Variants in SETBP1 observed in about 807,000 individuals in gnomAD.
SETBP1 encodes the protein SET binding protein 1, also known as SET-binding protein.
SETBP1 carries 9 observed loss-of-function variants against 101.0 expected under a neutral mutation model. That is an observed-to-expected ratio of 0.09 (90% CI 0.05 to 0.16). The LOEUF is 0.16. Ranked by LOEUF, SETBP1 falls within the 10% of genes least tolerant of loss-of-function variation. SETBP1 has a pLI of 1.00. For missense variants in SETBP1, 1,858 were observed against 2,033.8 expected (o/e 0.91, Z 1.66); for synonymous variants, 818 against 788.5 (o/e 1.04, Z -0.63).
intron 2 of SETBP1, among the ~76,000 whole-genome samples, chr18:44,706,000 G>A (rs1408378388): frequency 6.6e-6 from 1 of 152,118 alleles, no homozygotes; most frequent in African/African-American, 2.4e-5. Flanking sequence ...ATTTGGGAGA[G>A]GGCCTATGAT....
intron 3 of SETBP1, among the ~76,000 whole-genome samples, chr18:44,874,982 G>T (rs2069363639): frequency 6.6e-6 from 1 of 152,222 alleles, no homozygotes; most frequent in Non-Finnish European, 1.5e-5. Context: ...GACAGCAGCT[G>T]ATGTTTCAAG....
At chr18:45,057,053 T>C (rs2073820936) in intron 5 of SETBP1, among the ~76,000 whole-genome samples, 1 of 152,096 alleles carries the variant, frequency 6.6e-6, no homozygotes, top group Non-Finnish European at 1.5e-5. Context: ...GAAAACACCA[T>C]CATATGACAA....
chr18:45,008,326 T>C (rs764536993), intron 4 of SETBP1, among the ~76,000 whole-genome samples: 6 of 152,176 alleles, frequency 3.9e-5, no homozygotes, highest in Non-Finnish European at 7.3e-5. Context: ...TGAAATGATG[T>C]GTAGTCTTCA....
rs181524219 is a variant in SETBP1 at position 44,804,979 on chromosome 18, G to A, written c.487-64251G>A. ...ACACAGTGAGACATAAACGATGATG[G>A]GAAATTCCTCTGTAAGCCTTAGACA... On this transcript the variant is annotated intron_variant, in intron 2 of 5. Transcript: ENST00000649279. 2.0e-3 allele frequency among the ~76,000 whole-genome samples: 298 copies of A among 152,166 alleles called. 1 individual carries two copies. Among genetic ancestry groups the A allele is most frequent in the African/African-American group, 6.9e-3 (288 of 41,532 alleles).
chr18:44,951,668 G>A lies in SETBP1; in HGVS notation c.2328G>A (p.Met776Ile). The A allele has an allele frequency of 6.2e-7, 1 of 1,614,174 alleles. No individual in the cohort carries two copies. The highest frequency in any genetic ancestry group is 2.2e-5 in the East Asian group (1 of 44,868). ...QSLVASSPAA[M>I]HPLSTQLGGS... Reference sequence around the variant, plus strand: ...TTGTGGCGTCTTCACCAGCAGCTATGCACCCACTTTCAACACAGTTAGGTG... The same window carrying A: ...TTGTGGCGTCTTCACCAGCAGCTATACACCCACTTTCAACACAGTTAGGTG... The change falls in exon 4 of 6, where the codon ATG becomes ATA. Residue 776 changes from methionine (M) to isoleucine (I), a missense_variant. This residue lies in a region of SETBP1 where 121 missense variants were observed against 138.0 expected (regional missense o/e 0.88). Transcript: ENST00000649279. The surrounding 1 kb of genome is among the most constrained non-coding windows in gnomAD (Gnocchi z 7.8).
chr18:44,981,277 C>A (rs573687105), intron 4 of SETBP1, among the ~76,000 whole-genome samples: 8 of 152,326 alleles, frequency 5.3e-5, no homozygotes, highest in African/African-American at 1.9e-4. Flanking sequence ...CCAGCAGTTT[C>A]TTTCTGTCTC....
At chr18:44,741,555 G>A (rs1201799904) in intron 2 of SETBP1, among the ~76,000 whole-genome samples, 2 of 151,826 alleles carry the variant, frequency 1.3e-5, no homozygotes, top group Non-Finnish European at 2.9e-5. Flanking sequence ...TATTTATGAC[G>A]GTCATTGTTT....
chr18:45,054,348 C>T (rs1022476713), intron 5 of SETBP1, among the ~76,000 whole-genome samples: 6 of 152,068 alleles, frequency 3.9e-5, no homozygotes, highest in South Asian at 2.1e-4. Flanking sequence ...CCACCACACC[C>T]GGCTACTTTT....
intron 4 of SETBP1, among the ~76,000 whole-genome samples, chr18:45,030,497 C>CCAA (rs1456914984): frequency 2.2e-5 from 3 of 138,836 alleles, no homozygotes; most frequent in African/African-American, 8.5e-5. Context: ...CTCTGCCAGG[C>CCAA]TTTGGTATCA....
At chr18:44,935,671 G>A (rs1484286075) in intron 3 of SETBP1, among the ~76,000 whole-genome samples, 2 of 152,220 alleles carry the variant, frequency 1.3e-5, no homozygotes, top group African/African-American at 4.8e-5. Context: ...CCAGAACAAT[G>A]ACTCCACATG....
At chr18:44,768,537 A>G (rs961045528) in intron 2 of SETBP1, among the ~76,000 whole-genome samples, 2 of 152,204 alleles carry the variant, frequency 1.3e-5, no homozygotes, top group South Asian at 4.1e-4. Context: ...TTACAATACA[A>G]GTTGTTCCAT....
At chr18:44,932,839 A>G (rs2070868471) in intron 3 of SETBP1, among the ~76,000 whole-genome samples, 1 of 152,176 alleles carries the variant, frequency 6.6e-6, no homozygotes, top group Non-Finnish European at 1.5e-5. Context: ...CTAGTTAGCC[A>G]TCTGTCTAAT....
In SETBP1 at chr18:44,915,013, T is replaced by C. The variant is rs931654151; in HGVS notation, c.541-34868T>C. Among the ~76,000 whole-genome samples the C allele has an allele frequency of 1.5e-4, 23 of 152,170 alleles. 1 individual carries two copies. The highest frequency in any genetic ancestry group is 1.5e-5 in the Non-Finnish European group (1 of 68,042). The stretch of plus-strand genomic sequence containing the variant: ...TACTAAAATTTACTAAGTTAATGGT[T>C]CAGGTTGCAACTGATGTCATTACTG... On this transcript the variant is annotated intron_variant, in intron 3 of 5. Transcript: ENST00000649279.
intron 1 of SETBP1, among the ~76,000 whole-genome samples, chr18:44,681,954 C>G (rs955511751): frequency 1.1e-4 from 16 of 152,108 alleles, no homozygotes; most frequent in Admixed American, 8.5e-4. Flanking sequence ...CCCCTACACT[C>G]CCCCCACCTC....
chr18:44,876,445 G>C, intron 3 of SETBP1: 1 of 704,090 alleles, frequency 1.4e-6, no homozygotes, highest in South Asian at 2.1e-5. Context: ...AGGGCAGTTT[G>C]AAAAATACAG....
intron 4 of SETBP1, among the ~76,000 whole-genome samples, chr18:44,978,724 A>G (rs979538640): frequency 6.6e-6 from 1 of 152,148 alleles, no homozygotes; most frequent in South Asian, 2.1e-4. Flanking sequence ...GGACATAGAG[A>G]TGTATGTTTC....
chr18:44,754,274 C>A (rs1173781375), intron 2 of SETBP1, among the ~76,000 whole-genome samples: 3 of 152,090 alleles, frequency 2.0e-5, no homozygotes, highest in African/African-American at 7.2e-5. Flanking sequence ...AAAATAGAAC[C>A]TATTCCTCCA....
chr18:44,939,921 C>T (rs572549920), intron 3 of SETBP1, among the ~76,000 whole-genome samples: 46 of 152,306 alleles, frequency 3.0e-4, no homozygotes, highest in African/African-American at 1.1e-3. Context: ...GTTGATAGTA[C>T]AGATGAAACC....
intron 2 of SETBP1, among the ~76,000 whole-genome samples, chr18:44,766,885 A>G (rs2144615152): frequency 6.6e-6 from 1 of 152,344 alleles, no homozygotes; most frequent in South Asian, 2.1e-4. Context: ...ATGAAATGGT[A>G]ATAATCTCTA....
Sources: gnomAD v4.1 joint callset for allele counts (sites outside exome capture counted in the v4.1 genomes callset) on GRCh38, gnomAD v4.1.1 for gene constraint, gnomAD v4.1.1 regional missense constraint, Gnocchi (gnomAD v3.1) non-coding constraint, MANE v1.5 for transcripts, NCBI Gene and HGNC (gene_info 2026-07-23, HGNC 2026-07-21) for gene names.